SLC14A2: variants seen among roughly 807,000 people sequenced by gnomAD.
SLC14A2 encodes the protein urea transporter 2.
Under a neutral mutation model 104.6 loss-of-function variants are expected in SLC14A2, and 91 were observed. That is an observed-to-expected ratio of 0.87 (90% CI 0.73 to 1.04). SLC14A2 has a LOEUF of 1.04. Ranked by LOEUF, SLC14A2 falls within the 50% of genes least tolerant of loss-of-function variation. SLC14A2 has a pLI of 0.00. For synonymous variants in SLC14A2, 476 were observed against 466.4 expected (o/e 1.02, Z -0.27); for missense variants, 1,189 against 1,156.0 (o/e 1.03, Z -0.41).
At chr18:45,222,067 G>T (rs916501837) in intron 1 of SLC14A2, among the ~76,000 whole-genome samples, 1 of 152,254 alleles carries the variant, frequency 6.6e-6, no homozygotes, top group East Asian at 1.9e-4. Flanking sequence ...ATTTGGTTTG[G>T]TTCTCTTAAT....
intron 2 of SLC14A2, among the ~76,000 whole-genome samples, chr18:45,558,818 G>A (rs992989897): frequency 1.3e-5 from 2 of 152,130 alleles, no homozygotes; most frequent in African/African-American, 4.8e-5. Context: ...TTGAGACGGA[G>A]TCTCACTCTG....
At chr18:45,224,977 CAGA>C (rs2084099822) in intron 1 of SLC14A2, among the ~76,000 whole-genome samples, 1 of 152,178 alleles carries the variant, frequency 6.6e-6, no homozygotes, top group Non-Finnish European at 1.5e-5. Flanking sequence ...TTTTGCTATG[CAGA>C]AGCTCTTTAG....
intron 6 of SLC14A2, among the ~76,000 whole-genome samples, chr18:45,637,991 C>A (rs1004320430): frequency 1.3e-5 from 2 of 152,132 alleles, no homozygotes; most frequent in African/African-American, 2.4e-5. Context: ...TAGATCCCAG[C>A]GGAGGAAGCT....
chr18:45,645,151 A>G (rs984886353), intron 10 of SLC14A2, among the ~76,000 whole-genome samples: 1 of 152,222 alleles, frequency 6.6e-6, no homozygotes, highest in Non-Finnish European at 1.5e-5. Flanking sequence ...TTTGCTGAGA[A>G]TGATGGCTTC....
intron 1 of SLC14A2, among the ~76,000 whole-genome samples, chr18:45,451,249 T>C (rs2086852700): frequency 6.6e-6 from 1 of 152,034 alleles, no homozygotes; most frequent in African/African-American, 2.4e-5. Context: ...GGCAGGGCCC[T>C]GAAAGAACTT....
At chr18:45,589,820 T>C (rs2044621442) in intron 2 of SLC14A2, among the ~76,000 whole-genome samples, 1 of 151,990 alleles carries the variant, frequency 6.6e-6, no homozygotes, top group Non-Finnish European at 1.5e-5. Context: ...AAGAGGGAAG[T>C]GGCAAGGCTG....
chr18:45,401,341 A>G (rs908991338), intron 1 of SLC14A2, among the ~76,000 whole-genome samples: 19 of 152,206 alleles, frequency 1.2e-4, no homozygotes, highest in East Asian at 9.6e-4. Flanking sequence ...CCATGAGGGT[A>G]GGGACTATTT....
At chr18:45,386,690 G>A (rs376465988) in intron 1 of SLC14A2, among the ~76,000 whole-genome samples, 5 of 152,328 alleles carry the variant, frequency 3.3e-5, no homozygotes, top group African/African-American at 1.2e-4. Context: ...CATCATGGTT[G>A]AGAGCATAGA....
chr18:45,537,549 A>T (rs574296776), intron 2 of SLC14A2, among the ~76,000 whole-genome samples: 61 of 152,312 alleles, frequency 4.0e-4, no homozygotes, highest in African/African-American at 1.4e-3. Context: ...GGAGAGAGGT[A>T]GGAGGTGAGG....
chr18:45,480,945 A>G (rs576065574), intron 1 of SLC14A2, among the ~76,000 whole-genome samples: 16 of 152,074 alleles, frequency 1.1e-4, no homozygotes, highest in African/African-American at 3.6e-4. Flanking sequence ...ATATATATAT[A>G]TTAAGACTCA....
chr18:45,190,726 C>G, the SLC14A2 span, among the ~76,000 whole-genome samples: 4 of 152,168 alleles, frequency 2.6e-5, no homozygotes, highest in Non-Finnish European at 5.9e-5. Context: ...AAAGCATCCA[C>G]TAAGAGTCAG....
chr18:45,352,054 G>A (rs147167966), intron 1 of SLC14A2, among the ~76,000 whole-genome samples: 267 of 152,312 alleles, frequency 1.8e-3, no homozygotes, highest in Middle Eastern at 0.017. Context: ...TGAGGAAGTC[G>A]TGGACAGGGC....
chr18:45,236,596 A>G (rs992348075), intron 1 of SLC14A2, among the ~76,000 whole-genome samples: 4 of 147,550 alleles, frequency 2.7e-5, no homozygotes, highest in African/African-American at 5.1e-5. Context: ...TATGGGAAAA[A>G]GTATATATTC....
At chr18:45,352,711 T>C (rs1367516982) in intron 1 of SLC14A2, among the ~76,000 whole-genome samples, 1 of 151,748 alleles carries the variant, frequency 6.6e-6, no homozygotes, top group Non-Finnish European at 1.5e-5. Context: ...GAAGCCCAGA[T>C]TGAGGCTGTG....
At chr18:45,347,154 G>C (rs915297307) in intron 1 of SLC14A2, among the ~76,000 whole-genome samples, 1 of 151,738 alleles carries the variant, frequency 6.6e-6, no homozygotes, top group African/African-American at 2.4e-5. Context: ...TCAGGAGTTC[G>C]AGACCAACCT....
intron 2 of SLC14A2, among the ~76,000 whole-genome samples, chr18:45,567,973 G>A (rs562903406): frequency 2.6e-5 from 4 of 152,222 alleles, no homozygotes; most frequent in East Asian, 3.9e-4. Context: ...GGCTTGACCC[G>A]GGCGGTTCTT....
chr18:45,615,412 G>C (rs1371418176), upstream of SLC14A2: 2 of 152,058 alleles, frequency 1.3e-5, no homozygotes, highest in African/African-American at 4.8e-5. Context: ...TGCTGTTCTC[G>C]TGATAGTGAG....
At chr18:45,464,681 C>T (rs2087107816) in intron 1 of SLC14A2, among the ~76,000 whole-genome samples, 1 of 152,174 alleles carries the variant, frequency 6.6e-6, no homozygotes, top group Non-Finnish European at 1.5e-5. Flanking sequence ...CAAATCTGCC[C>T]ACTGTCAGTT....
chr18:45,599,222 C>A (rs967483341), intron 2 of SLC14A2, among the ~76,000 whole-genome samples: 29 of 152,212 alleles, frequency 1.9e-4, no homozygotes, highest in Non-Finnish European at 3.1e-4. Flanking sequence ...ATTGCTCACA[C>A]CCCTAACCCC....
Sources: allele counts gnomAD v4.1 joint callset (sites outside exome capture counted in the v4.1 genomes callset), GRCh38; gene constraint gnomAD v4.1.1; transcripts MANE v1.5; gene names NCBI Gene and HGNC (gene_info 2026-07-23, HGNC 2026-07-21).